APP: variants seen among roughly 807,000 people sequenced by gnomAD.
APP encodes the protein amyloid-beta precursor protein.
APP carries 31 observed loss-of-function variants against 101.4 expected under a neutral mutation model. The observed-to-expected ratio is 0.31, with a 90% CI of 0.23 to 0.41. The LOEUF (loss-of-function observed/expected upper bound fraction) is 0.41. APP is among the 10% of genes least tolerant of loss of function. The pLI is 1.00. For synonymous variants in APP, 366 were observed against 364.4 expected (o/e 1.00, Z -0.05); for missense variants, 839 against 1,003.7 (o/e 0.84, Z 2.22).
At chr21:25,959,970 G>A (rs372158214) in intron 11 of APP, among the ~76,000 whole-genome samples, 30 of 152,158 alleles carry the variant, frequency 2.0e-4, no homozygotes, top group African/African-American at 6.5e-4. Context: ...TGATAATAAT[G>A]TTCCCGGACT....
At chr21:26,165,283 AC>A (rs1174423237) in intron 1 of APP, among the ~76,000 whole-genome samples, 2 of 152,216 alleles carry the variant, frequency 1.3e-5, no homozygotes, top group Non-Finnish European at 2.9e-5. Flanking sequence ...CAACTAACAC[AC>A]AGTGCTTATG....
At chr21:26,026,244 A>C (rs530317394) in intron 5 of APP, among the ~76,000 whole-genome samples, 1 of 152,228 alleles carries the variant, frequency 6.6e-6, no homozygotes, top group Non-Finnish European at 1.5e-5. Context: ...GTGGCTATCA[A>C]TTTATAGTGG....
In APP at chr21:25,952,225, CAT is replaced by C. The variant is rs1555901896; in HGVS notation, c.1687+2363_1687+2364del. 5.2e-3 allele frequency among the ~76,000 whole-genome samples: 780 copies of C among 151,100 alleles called. 6 individuals are homozygous for C. The highest frequency in any genetic ancestry group is 0.012 in the African/African-American group (485 of 41,128). The stretch of plus-strand genomic sequence containing the variant: ...ACACACACACACACACACACACACA[CAT>C]TAAGAGCACATACGTAATATGTTCT... On this transcript the variant is annotated intron_variant, in intron 13 of 17. Coordinates refer to ENST00000346798, the MANE Select transcript of APP (RefSeq NM_000484.4).
At chr21:26,153,188 A>G (rs6516727) in intron 1 of APP, among the ~76,000 whole-genome samples, 67,207 of 151,970 alleles carry the variant, frequency 0.44, 16,970 homozygotes, top group African/African-American at 0.71. Context: ...AAAACTAGAC[A>G]TTAGGTACAA....
chr21:26,132,583 G>A (rs2062817893), intron 1 of APP, among the ~76,000 whole-genome samples: 1 of 152,090 alleles, frequency 6.6e-6, no homozygotes, highest in Admixed American at 6.5e-5. Context: ...CTGTTACACA[G>A]CATATGATTT....
At chr21:26,029,891 C>G (rs1435708636) in intron 5 of APP, among the ~76,000 whole-genome samples, 2 of 152,112 alleles carry the variant, frequency 1.3e-5, no homozygotes, top group Non-Finnish European at 2.9e-5. Context: ...TAAAGTCAAA[C>G]CAACTTCTCT....
intron 17 of APP, among the ~76,000 whole-genome samples, chr21:25,890,444 G>A (rs45533134): frequency 0.11 from 17,063 of 152,192 alleles, 957 homozygotes; most frequent in South Asian, 0.13. Flanking sequence ...TTTCTCTGAT[G>A]GAAAAAGCAA....
At chr21:26,004,835 A>C (rs2043459030) in intron 6 of APP, among the ~76,000 whole-genome samples, 1 of 96,814 alleles carries the variant, frequency 1.0e-5, no homozygotes, top group South Asian at 3.9e-4. Context: ...CTGGTGTGTG[A>C]TGTTCCCCGC....
intron 13 of APP, among the ~76,000 whole-genome samples, chr21:25,950,790 G>GT (rs2041042500): frequency 6.6e-6 from 1 of 152,124 alleles, no homozygotes; most frequent in South Asian, 2.1e-4. Context: ...AGGATCTCAG[G>GT]TAAGTAGGGG....
At chr21:25,892,625 C>A (rs1036265763) in intron 16 of APP, among the ~76,000 whole-genome samples, 2 of 152,162 alleles carry the variant, frequency 1.3e-5, no homozygotes, top group African/African-American at 4.8e-5. Flanking sequence ...AAACCAAAAT[C>A]TGAAATGTTG....
intron 2 of APP, among the ~76,000 whole-genome samples, chr21:26,101,084 CT>C (rs892273728): frequency 3.7e-5 from 5 of 133,736 alleles, no homozygotes; most frequent in East Asian, 2.2e-4. Context: ...CAAGTTATCT[CT>C]TTTTTTTTCC....
At chr21:26,028,750 G>A (rs973944015) in intron 5 of APP, among the ~76,000 whole-genome samples, 1 of 152,114 alleles carries the variant, frequency 6.6e-6, no homozygotes, top group South Asian at 2.1e-4. Flanking sequence ...GCTTTACCAA[G>A]TGCCAGTACT....
At chr21:26,148,196 T>A (rs1349801296) in intron 1 of APP, among the ~76,000 whole-genome samples, 1 of 152,134 alleles carries the variant, frequency 6.6e-6, no homozygotes, top group African/African-American at 2.4e-5. Flanking sequence ...CCCAGTCCCC[T>A]CTGATATGTG....
chr21:26,125,779 A>G (rs932056294), intron 1 of APP, among the ~76,000 whole-genome samples: 27 of 152,214 alleles, frequency 1.8e-4, no homozygotes, highest in African/African-American at 6.0e-4. Context: ...CTAAGAGTCA[A>G]TCTGGCAGAG....
chr21:25,975,995 C>T lies in APP; in HGVS notation c.1258G>A (p.Ala420Thr), dbSNP rs1041833271. ...MREWEEAERQ[A>T]KNLPKADKKA... ...TTATCAGCTTTAGGCAAGTTCTTTG[C>T]TTGACGTTCTGCCTCTTCCCATTCT... The change falls in exon 10 of 18, where the codon GCA becomes ACA. Residue 420 changes from alanine (A) to threonine (T), a missense_variant. Physicochemically the swap from Ala to Thr is moderately conservative, Grantham distance 58 (BLOSUM62 0). Transcript: ENST00000346798. 1 of 1,613,852 alleles carries T rather than the reference C, an allele frequency of 6.2e-7. No homozygotes were observed. The highest frequency in any genetic ancestry group is 1.3e-5 in the African/African-American group (1 of 74,912).
chr21:25,981,664 T>A (rs1033160546), intron 9 of APP, among the ~76,000 whole-genome samples: 5 of 151,884 alleles, frequency 3.3e-5, no homozygotes, highest in Non-Finnish European at 5.9e-5. Context: ...TTTTTTAATT[T>A]GCTTAATTAA....
rs575518285 is a variant in APP, at chr21:26,050,451, G to A, written c.662+549C>T. Among the ~76,000 whole-genome samples, 6 of 151,880 alleles carry A rather than the reference G, an allele frequency of 4.0e-5. No individual in the cohort carries two copies. The South Asian group carries it at 1.0e-3, about 26-fold the overall frequency. On this transcript the variant is annotated intron_variant, in intron 5 of 17. Transcript: ENST00000346798. ...ACTAAGCTCCCTAAGAAAAAGAGGC[G>A]AAAATAGGTTTCTTTACAATCAACA...
chr21:26,136,066 G>A (rs984059549), intron 1 of APP, among the ~76,000 whole-genome samples: 7 of 150,252 alleles, frequency 4.7e-5, no homozygotes, highest in Non-Finnish European at 1.0e-4. Flanking sequence ...AGGAGGCAGA[G>A]GTTGCAGTAA....
intron 13 of APP, among the ~76,000 whole-genome samples, chr21:25,953,881 C>G (rs949840424): frequency 1.3e-5 from 2 of 152,180 alleles, no homozygotes; most frequent in South Asian, 4.1e-4. Flanking sequence ...ACTATAGTTA[C>G]GTAAGATGTC....
Sources: allele counts gnomAD v4.1 joint callset (sites outside exome capture counted in the v4.1 genomes callset), GRCh38; gene constraint gnomAD v4.1.1; transcripts MANE v1.5; gene names NCBI Gene and HGNC (gene_info 2026-07-23, HGNC 2026-07-21).